TRHDE: variants seen among roughly 807,000 people sequenced by gnomAD.
TRHDE encodes the protein thyrotropin-releasing hormone-degrading ectoenzyme.
TRHDE carries 72 observed loss-of-function variants against 125.7 expected under a neutral mutation model. The ratio of observed to expected loss-of-function variants is 0.57; its 90% CI spans 0.47 to 0.70. The LOEUF is 0.70. Ranked by LOEUF, TRHDE falls within the 30% of genes least tolerant of loss-of-function variation. The pLI is 0.00. For synonymous variants in TRHDE, 509 were observed against 509.1 expected, an observed-to-expected ratio of 1.00 and a Z score of 0.00; for missense variants, 1,110 against 1,327.1, an observed-to-expected ratio of 0.84 and a Z score of 2.54.
intron 1 of TRHDE, among the ~76,000 whole-genome samples, chr12:72,097,366 G>T (rs1362706119): frequency 2.0e-5 from 3 of 150,858 alleles, no homozygotes; most frequent in Non-Finnish European, 2.9e-5. Context: ...TTCCTGGAAG[G>T]CTTTAAAGTT....
chr12:72,380,766 G>GCTTCATTC (rs1555181471), intron 3 of TRHDE, among the ~76,000 whole-genome samples: 1 of 71,012 alleles, frequency 1.4e-5, no homozygotes, highest in Non-Finnish European at 2.5e-5. Flanking sequence ...TTCCTTCCTT[G>GCTTCATTC]CTTCCTTCCT....
intron 2 of TRHDE, among the ~76,000 whole-genome samples, chr12:72,314,151 T>C (rs1868679372): frequency 6.6e-6 from 1 of 152,186 alleles, no homozygotes; most frequent in Non-Finnish European, 1.5e-5. Context: ...CTCAGACCCT[T>C]AGCAGTTCTT....
chr12:72,213,378 A>G (rs1230438436), intron 2 of TRHDE, among the ~76,000 whole-genome samples: 2 of 152,148 alleles, frequency 1.3e-5, no homozygotes, highest in East Asian at 1.9e-4. Flanking sequence ...TGTTAAAAGT[A>G]TCTTTTGAGT....
At chr12:72,222,879 G>T (rs890655445) in intron 2 of TRHDE, among the ~76,000 whole-genome samples, 1 of 152,074 alleles carries the variant, frequency 6.6e-6, no homozygotes, top group South Asian at 2.1e-4. Context: ...TGATGGAAAG[G>T]AATACTACAG....
intron 4 of TRHDE, 96 bp from the exon 5 acceptor site, chr12:72,472,971 G>C (rs1876718283): frequency 1.0e-6 from 1 of 966,934 alleles, no homozygotes; most frequent in Non-Finnish European, 1.6e-6. Context: ...ATGAATTCCA[G>C]TTATAATAAT....
intron 3 of TRHDE, among the ~76,000 whole-genome samples, chr12:72,453,158 A>G (rs992572600): frequency 7.9e-5 from 12 of 152,194 alleles, no homozygotes; most frequent in Non-Finnish European, 1.6e-4. Context: ...AGACTGGGTA[A>G]ATAATTGTGA....
intron 2 of TRHDE, among the ~76,000 whole-genome samples, chr12:72,150,792 C>A (rs1441999396): frequency 6.6e-6 from 1 of 151,960 alleles, no homozygotes; most frequent in Non-Finnish European, 1.5e-5. Context: ...TTAATCCAGT[C>A]TATCATTGTT....
chr12:72,263,574 A>C (rs555257231), intron 2 of TRHDE: 1 of 152,222 alleles, frequency 6.6e-6, no homozygotes, highest in African/African-American at 2.4e-5. Flanking sequence ...ATATGTCAGA[A>C]TGTCATGGAC....
At chr12:72,266,249 A>T (rs1218482837) in intron 2 of TRHDE, among the ~76,000 whole-genome samples, 1 of 152,014 alleles carries the variant, frequency 6.6e-6, no homozygotes, top group Non-Finnish European at 1.5e-5. Flanking sequence ...ATATTTATCT[A>T]TTGCGCCTTT....
chr12:72,435,018 CA>C (rs138556135), intron 3 of TRHDE, among the ~76,000 whole-genome samples: 41 of 152,270 alleles, frequency 2.7e-4, no homozygotes, highest in African/African-American at 9.4e-4. Context: ...AGGACTGAGG[CA>C]AATTGGAGGT....
intron 2 of TRHDE, among the ~76,000 whole-genome samples, chr12:72,236,181 G>C (rs1878334322): frequency 6.6e-6 from 1 of 151,940 alleles, no homozygotes; most frequent in Non-Finnish European, 1.5e-5. Context: ...AAATTACTCA[G>C]AAAAAAACAG....
At chr12:72,138,706 T>C (rs1876044979) in intron 2 of TRHDE, among the ~76,000 whole-genome samples, 1 of 152,244 alleles carries the variant, frequency 6.6e-6, no homozygotes, top group South Asian at 2.1e-4. Context: ...TGAGATTCTC[T>C]GAGGAGTCGT....
At chr12:72,629,647 A>C (rs1873397421) in intron 15 of TRHDE, among the ~76,000 whole-genome samples, 1 of 151,660 alleles carries the variant, frequency 6.6e-6, no homozygotes, top group African/African-American at 2.4e-5. Context: ...CTGAGTAGCC[A>C]AAAAAATTTG....
In TRHDE at chr12:72,542,326, G is replaced by A; in HGVS notation, c.1758G>A (p.Met586Ile). 1 of 1,604,414 alleles carries A rather than the reference G, an allele frequency of 6.2e-7. No individual in the cohort carries two copies. Among genetic ancestry groups the A allele is most frequent in the Non-Finnish European group, 8.5e-7 (1 of 1,174,042 alleles). The change falls in exon 7 of 19, where the codon ATG becomes ATA. Residue 586 changes from methionine to isoleucine, a missense_variant. By Grantham distance (10) the Met-to-Ile change is conservative. This residue lies in a region of TRHDE where 527 missense variants were observed against 651.8 expected (regional missense o/e 0.81). Transcript: ENST00000261180. ...TAATAAGAATGCTGGCTAATTTTAT[G>A]GGCCATTCAGTTTTCCAGAGGGGTT... Reference protein sequence around the residue: ...AALIRMLANFMGHSVFQRGLQ... With the variant: ...AALIRMLANFIGHSVFQRGLQ...
intron 5 of TRHDE, among the ~76,000 whole-genome samples, chr12:72,485,233 C>G (rs1017963333): frequency 6.6e-5 from 10 of 152,134 alleles, no homozygotes; most frequent in Admixed American, 2.6e-4. Context: ...TGCTACTGTG[C>G]TGTGCCACCT....
intron 10 of TRHDE, among the ~76,000 whole-genome samples, chr12:72,568,875 A>T (rs10128854): frequency 1.9e-4 from 29 of 151,930 alleles, no homozygotes; most frequent in Non-Finnish European, 2.9e-4. Flanking sequence ...TTTAATGGTA[A>T]AGAGAAAACT....
Position 72,333,787 on chromosome 12 carries a change from C to T in TRHDE, c.1189-44208C>T, listed in dbSNP as rs573470607. Among the ~76,000 whole-genome samples, 152 of 152,278 alleles carry T rather than the reference C, an allele frequency of 1.0e-3. No homozygotes were observed. In the Middle Eastern group the frequency reaches 0.014, roughly 14 times the overall value. On this transcript the variant is annotated intron_variant, in intron 2 of 18. Transcript: ENST00000261180. Reference sequence around the variant, plus strand: ...GTAAAGTGTTATTTTGAACCTTGGTCATCTCTTAATATTTTTCTGTTAGGA... The same window carrying T: ...GTAAAGTGTTATTTTGAACCTTGGTTATCTCTTAATATTTTTCTGTTAGGA...
chr12:72,427,624 T>G (rs553731407), intron 3 of TRHDE, among the ~76,000 whole-genome samples: 1 of 152,260 alleles, frequency 6.6e-6, no homozygotes, highest in Admixed American at 6.5e-5. Flanking sequence ...TAATGATCGT[T>G]ATTGCAATTC....
In TRHDE at chr12:72,451,546, A is replaced by G. The variant is rs564084223; in HGVS notation, c.1316-18212A>G. 4.9e-4 allele frequency among the ~76,000 whole-genome samples: 74 copies of G among 152,052 alleles called. 1 individual carries two copies. Among genetic ancestry groups the G allele is most frequent in the African/African-American group, 1.6e-3 (65 of 41,396 alleles). ...TCTATGGCTTTATAGTATGTTTTCA[A>G]TTAAGGCAGTGTGATGCCTCTGGCT... On this transcript the variant is annotated intron_variant, in intron 3 of 18. Transcript: ENST00000261180.
Sources: gnomAD v4.1 joint callset for allele counts (sites outside exome capture counted in the v4.1 genomes callset) on GRCh38, gnomAD v4.1.1 for gene constraint, gnomAD v4.1.1 regional missense constraint, MANE v1.5 for transcripts, NCBI Gene and HGNC (gene_info 2026-07-23, HGNC 2026-07-21) for gene names.